The following PXYLP1 variants were observed in gnomAD, a reference collection of about 807,000 sequenced individuals.
The protein encoded by PXYLP1 is acid phosphatase-like 2.
Under a neutral mutation model 37.9 loss-of-function variants are expected in PXYLP1, and 17 were observed. That is an observed-to-expected ratio of 0.45 (90% CI 0.31 to 0.67). The LOEUF (loss-of-function observed/expected upper bound fraction) is 0.67. Among genes scored for constraint, PXYLP1 ranks in the 30% least tolerant of loss-of-function variants. The pLI is 0.07. For missense variants in PXYLP1, 511 were observed against 612.0 expected (o/e 0.84, Z 1.74); for synonymous variants, 221 against 232.2 (o/e 0.95, Z 0.44).
In PXYLP1 at chr3:141,260,154, A is replaced by G. The variant is rs755261137; in HGVS notation, c.-22A>G. The stretch of plus-strand genomic sequence containing the variant: ...TTCCCGATTTGAGGTGAAACCATGA[A>G]GAGAAAATAGAATACTTAATAATGC... On this transcript the variant is annotated 5_prime_UTR_variant, in exon 2 of 6. Coordinates refer to ENST00000286353, the MANE Select transcript of PXYLP1 (RefSeq NM_001037172.3). 6.2e-7 allele frequency: 1 copy of G among 1,613,832 alleles called. No individual in the cohort carries two copies. Among genetic ancestry groups the G allele is most frequent in the South Asian group, 1.1e-5 (1 of 91,082 alleles).
intron 2 of PXYLP1, among the ~76,000 whole-genome samples, chr3:141,265,748 T>C (rs895949040): frequency 2.0e-5 from 3 of 152,132 alleles, no homozygotes; most frequent in African/African-American, 4.8e-5. Context: ...TTCACGTAAA[T>C]GACTCATCTC....
chr3:141,289,967 T>C (rs1473130363), intron 5 of PXYLP1, among the ~76,000 whole-genome samples: 1 of 152,236 alleles, frequency 6.6e-6, no homozygotes, highest in African/African-American at 2.4e-5. Flanking sequence ...TCTAAATTAG[T>C]GTTACTCTAG....
At chr3:141,285,054 A>G (rs1171050447) in intron 4 of PXYLP1, among the ~76,000 whole-genome samples, 1 of 151,980 alleles carries the variant, frequency 6.6e-6, no homozygotes, top group African/African-American at 2.4e-5. Context: ...GGGTAGTCAG[A>G]TCCAGGTCCA....
intron 4 of PXYLP1, among the ~76,000 whole-genome samples, chr3:141,284,458 T>A (rs1275111284): frequency 6.6e-6 from 1 of 152,200 alleles, no homozygotes; most frequent in Non-Finnish European, 1.5e-5. Flanking sequence ...CTAACCAAGT[T>A]CTTAAGAAGA....
intron 3 of PXYLP1, 125 bp from the exon 4 acceptor site, chr3:141,279,253 G>A (rs996015783): frequency 4.9e-6 from 6 of 1,219,562 alleles, no homozygotes; most frequent in South Asian, 2.9e-5. Context: ...GCAAACCCAC[G>A]GTGGCCCCTG....
intron 1 of PXYLP1, 41 bp from the exon 2 acceptor site, chr3:141,260,082 C>A: frequency 6.9e-7 from 1 of 1,447,208 alleles, no homozygotes; most frequent in Non-Finnish European, 9.5e-7. Flanking sequence ...TTTAGTTCTC[C>A]ACCTCTAAAC....
rs551161230 is a variant in PXYLP1, at chr3:141,233,782, T to C, written c.-54+1871T>C. Among the ~76,000 whole-genome samples the C allele has an allele frequency of 7.9e-5, 12 of 152,352 alleles. No individual in the cohort carries two copies. The South Asian group carries it at 1.7e-3, about 21-fold the overall frequency. ...CTGCAGTATCTGTAACTCTTTTTTC[T>C]ATTGATCAGCTTGAATAGTTAGCTC... On this transcript the variant is annotated intron_variant, in intron 1 of 5. Transcript: ENST00000286353.
At chr3:141,261,126 C>T (rs539552622) in intron 2 of PXYLP1, among the ~76,000 whole-genome samples, 3 of 152,340 alleles carry the variant, frequency 2.0e-5, no homozygotes, top group South Asian at 2.1e-4. Context: ...ACCTGTCTCC[C>T]TCCCTCCTTC....
intron 4 of PXYLP1, among the ~76,000 whole-genome samples, chr3:141,280,026 G>A (rs1248070591): frequency 6.6e-6 from 1 of 152,232 alleles, no homozygotes. Flanking sequence ...CTGGAGTAGA[G>A]GCAGCCTGTT....
At chr3:141,259,957 A>T (rs1941350710) in intron 1 of PXYLP1, among the ~76,000 whole-genome samples, 166 bp from the exon 2 acceptor site, 2 of 152,220 alleles carry the variant, frequency 1.3e-5, no homozygotes, top group African/African-American at 4.8e-5. Context: ...GGGGGCAAAG[A>T]CTAATCATAG....
intron 2 of PXYLP1, among the ~76,000 whole-genome samples, chr3:141,267,887 C>G (rs1941558326): frequency 6.6e-6 from 1 of 152,034 alleles, no homozygotes; most frequent in South Asian, 2.1e-4. Flanking sequence ...CCCTCTCTCC[C>G]TCTCTCCCAC....
At position 141,255,580 on chromosome 3, in the gene PXYLP1, C is replaced by T. The variant is rs1055085268; in HGVS notation, c.-53-4543C>T. Reference sequence around the variant, plus strand: ...ATTTTTAGGACTGTGAGCAAGCAGGCTGTGGGGGTCCCGCTCTGGGCTCAG... The same window carrying T: ...ATTTTTAGGACTGTGAGCAAGCAGGTTGTGGGGGTCCCGCTCTGGGCTCAG... On this transcript the variant is annotated intron_variant, in intron 1 of 5. Transcript: ENST00000286353. Among the ~76,000 whole-genome samples the T allele has an allele frequency of 2.6e-5, 4 of 152,228 alleles. No individual in the cohort carries two copies. In the South Asian group the frequency reaches 6.2e-4, roughly 24 times the overall value.
chr3:141,264,501 C>A (rs756441703), intron 2 of PXYLP1, among the ~76,000 whole-genome samples: 2 of 152,314 alleles, frequency 1.3e-5, no homozygotes, highest in East Asian at 1.9e-4. Flanking sequence ...GAGTATGTGA[C>A]ACTTTGTTCT....
chr3:141,294,872 C>T lies in PXYLP1; in HGVS notation c.*1667C>T, dbSNP rs1330590025. On this transcript the variant is annotated 3_prime_UTR_variant, in exon 6 of 6. Transcript: ENST00000286353. ...ATATCTGAATTAGAACTGCTAAACA[C>T]AGCTTGAAGACTTAAAAATAAAAGT... 6.6e-6 allele frequency: 1 copy of T among 152,208 alleles called. No homozygotes were observed. Among genetic ancestry groups the T allele is most frequent in the Non-Finnish European group, 1.5e-5 (1 of 68,046 alleles). The allele number at this position is 152,208 out of a possible 1,614,324, so 9.4% of individuals were successfully genotyped here. A position where few individuals can be genotyped will look rare whatever the true frequency, so the allele number is the denominator to read the frequency against.
chr3:141,279,057 C>T (rs1291556851), intron 3 of PXYLP1, among the ~76,000 whole-genome samples: 1 of 152,248 alleles, frequency 6.6e-6, no homozygotes. Context: ...CCGTGGCTCT[C>T]TCCCTGGTCT....
intron 1 of PXYLP1, chr3:141,258,692 A>T (rs1158077033): frequency 6.0e-6 from 1 of 167,212 alleles, no homozygotes; most frequent in Non-Finnish European, 1.3e-5. Flanking sequence ...CGTAATGAGG[A>T]TGAAGTTTCA....
chr3:141,277,469 G>A (rs1941824207), intron 2 of PXYLP1, among the ~76,000 whole-genome samples: 1 of 152,132 alleles, frequency 6.6e-6, no homozygotes, highest in Non-Finnish European at 1.5e-5. Flanking sequence ...AGCTGTTCAT[G>A]AGGGATAGAT....
At chr3:141,240,251 G>T (rs534059629) in intron 1 of PXYLP1, among the ~76,000 whole-genome samples, 1 of 152,256 alleles carries the variant, frequency 6.6e-6, no homozygotes, top group African/African-American at 2.4e-5. Context: ...CGGGCCATGT[G>T]AGTGTGTAGT....
chr3:141,271,762 T>C (rs1402776307), intron 2 of PXYLP1, among the ~76,000 whole-genome samples: 1 of 152,188 alleles, frequency 6.6e-6, no homozygotes, highest in Non-Finnish European at 1.5e-5. Context: ...GGACAGCCTG[T>C]CTTTCCTGGA....
Sources: gnomAD v4.1 joint callset for allele counts (sites outside exome capture counted in the v4.1 genomes callset) on GRCh38, gnomAD v4.1.1 for gene constraint, MANE v1.5 for transcripts, NCBI Gene and HGNC (gene_info 2026-07-23, HGNC 2026-07-21) for gene names.